SMYD3: variants seen among roughly 807,000 people sequenced by gnomAD.
SMYD3 encodes SET and MYND domain containing 3, also known as histone-lysine N-methyltransferase SMYD3.
Under a neutral mutation model 57.7 loss-of-function variants are expected in SMYD3, and 36 were observed. That is an observed-to-expected ratio of 0.62 (90% CI 0.48 to 0.82). SMYD3 has a LOEUF of 0.82. Among genes scored for constraint, SMYD3 ranks in the 40% least tolerant of loss-of-function variants. SMYD3 has a pLI of 0.00. For synonymous variants in SMYD3, 211 were observed against 195.0 expected (o/e 1.08, Z -0.68); for missense variants, 515 against 538.8 (o/e 0.96, Z 0.44).
At chr1:246,506,858 C>G (rs1343583495) in intron 1 of SMYD3, among the ~76,000 whole-genome samples, 196 bp downstream of exon 1, 2 of 151,992 alleles carry the variant, frequency 1.3e-5, no homozygotes, top group Non-Finnish European at 2.9e-5. Context: ...GCTGCGGCAA[C>G]CTAGGGGGGT....
At chr1:245,996,426 T>C (rs2148132060) in intron 5 of SMYD3, among the ~76,000 whole-genome samples, 1 of 152,322 alleles carries the variant, frequency 6.6e-6, no homozygotes, top group South Asian at 2.1e-4. Flanking sequence ...AATGGGTTTA[T>C]ATAGAATAGA....
chr1:246,502,565 C>G (rs1303362089), intron 1 of SMYD3, among the ~76,000 whole-genome samples: 1 of 152,202 alleles, frequency 6.6e-6, no homozygotes, highest in Non-Finnish European at 1.5e-5. Flanking sequence ...AACAATATCT[C>G]AATCTCTTCC....
intron 5 of SMYD3, among the ~76,000 whole-genome samples, chr1:246,268,757 C>A (rs1453283345): frequency 6.6e-6 from 1 of 152,008 alleles, no homozygotes; most frequent in Non-Finnish European, 1.5e-5. Context: ...AAGAAATGGG[C>A]AACCAGCAGC....
At chr1:246,197,572 G>A (rs1296825038) in intron 5 of SMYD3, among the ~76,000 whole-genome samples, 4 of 149,414 alleles carry the variant, frequency 2.7e-5, no homozygotes, top group African/African-American at 7.5e-5. Flanking sequence ...AAACTGTCAA[G>A]GATCATCAAA....
Position 245,840,703 on chromosome 1 carries a change from T to C in SMYD3, c.1076+17793A>G, listed in dbSNP as rs139003025. Among the ~76,000 whole-genome samples the C allele has an allele frequency of 2.7e-3, 412 of 150,724 alleles. 1 individual carries two copies. The highest frequency in any genetic ancestry group is 9.7e-3 in the African/African-American group (397 of 40,982). On this transcript the variant is annotated intron_variant, in intron 10 of 11. Coordinates refer to ENST00000490107, the MANE Select transcript of SMYD3 (RefSeq NM_001167740.2). ...GAAACTTAAATCTAAAAATACTACA[T>C]AGAGGTAATAAATATAACTCTGAGA...
chr1:246,036,533 T>TTC (rs1275440858), intron 5 of SMYD3, among the ~76,000 whole-genome samples: 9 of 100,574 alleles, frequency 8.9e-5, no homozygotes, highest in African/African-American at 6.2e-4. Flanking sequence ...GTACTCTTCT[T>TTC]TCTCTCTTTT....
intron 5 of SMYD3, among the ~76,000 whole-genome samples, chr1:246,124,941 G>A (rs1192406453): frequency 3.3e-5 from 5 of 152,082 alleles, no homozygotes; most frequent in Admixed American, 2.6e-4. Context: ...GCGTGGTGGC[G>A]GGCGCCTGTA....
intron 1 of SMYD3, among the ~76,000 whole-genome samples, chr1:246,455,765 G>C (rs2067692541): frequency 6.6e-6 from 1 of 152,178 alleles, no homozygotes. Flanking sequence ...AGGTGACTTT[G>C]AATTCTGAAA....
chr1:246,064,826 G>A (rs1355259585), intron 5 of SMYD3, among the ~76,000 whole-genome samples: 6 of 152,220 alleles, frequency 3.9e-5, no homozygotes, highest in South Asian at 2.1e-4. Context: ...ACCGTGCATC[G>A]TTCATGTTAT....
intron 8 of SMYD3, among the ~76,000 whole-genome samples, chr1:245,886,975 T>C (rs545205418): frequency 2.0e-4 from 31 of 152,112 alleles, no homozygotes; most frequent in Non-Finnish European, 3.8e-4. Context: ...CCATATTCTC[T>C]CAAGCCTCTG....
chr1:246,327,098 C>G, intron 5 of SMYD3, 103 bp downstream of exon 5: 1 of 1,423,126 alleles, frequency 7.0e-7, no homozygotes. Flanking sequence ...CATTAAGGGT[C>G]TTGAATTTCC....
chr1:246,507,190 C>A lies in SMYD3; in HGVS notation c.28G>T (p.Ala10Ser), dbSNP rs1415684791. The change falls in exon 1 of 12, where the codon GCA becomes TCA. Residue 10 changes from alanine to serine, a missense_variant. By Grantham distance (99) the Ala-to-Ser change is moderately conservative. Transcript: ENST00000490107. Reference sequence around the variant, plus strand: ...AGCCCGTTTCCCCTCTTGGCGGTTGCGAACTTTTCCACCTTCAGCGGCTCC... The same window carrying A: ...AGCCCGTTTCCCCTCTTGGCGGTTGAGAACTTTTCCACCTTCAGCGGCTCC... MEPLKVEKF[A>S]TAKRGNGLRA... The A allele has an allele frequency of 2.0e-6, 3 of 1,527,842 alleles. No individual in the cohort carries two copies. The highest frequency in any genetic ancestry group is 5.3e-5 in the East Asian group (2 of 37,826). The allele number at this position is 1,527,842 out of a possible 1,614,324, so 94.6% of individuals were successfully genotyped here. A position where few individuals can be genotyped will look rare whatever the true frequency, so the allele number is the denominator to read the frequency against.
intron 5 of SMYD3, among the ~76,000 whole-genome samples, chr1:246,140,508 T>C (rs2148112427): frequency 6.6e-6 from 1 of 152,358 alleles, no homozygotes; most frequent in East Asian, 1.9e-4. Flanking sequence ...GTCCACCATC[T>C]TCATTGAAGG....
intron 5 of SMYD3, chr1:246,113,881 T>C (rs1043833418): frequency 3.2e-4 from 48 of 151,978 alleles, no homozygotes; most frequent in African/African-American, 1.1e-3. Flanking sequence ...CTCACTCTAC[T>C]CTTCTGCAGA....
chr1:246,387,578 T>C (rs1210132870), intron 1 of SMYD3, among the ~76,000 whole-genome samples: 1 of 152,174 alleles, frequency 6.6e-6, no homozygotes, highest in Non-Finnish European at 1.5e-5. Context: ...ACAATTAATC[T>C]GACAATAGAA....
At chr1:246,362,440 G>A (rs1277211488) in intron 1 of SMYD3, among the ~76,000 whole-genome samples, 2 of 2,578 alleles carry the variant, frequency 7.8e-4, no homozygotes, top group African/African-American at 6.9e-4. Context: ...CCTTTCCCAC[G>A]GTCTCCCTCT....
At chr1:246,444,368 C>T (rs1386629842) in intron 1 of SMYD3, among the ~76,000 whole-genome samples, 5 of 152,088 alleles carry the variant, frequency 3.3e-5, no homozygotes, top group Non-Finnish European at 7.3e-5. Context: ...TTGTGATCCA[C>T]CCGCCTCGGC....
chr1:245,938,227 A>T (rs1294555930), intron 5 of SMYD3, among the ~76,000 whole-genome samples: 1 of 152,196 alleles, frequency 6.6e-6, no homozygotes, highest in African/African-American at 2.4e-5. Context: ...CAGTAGCTGA[A>T]GTGTGCATGA....
intron 5 of SMYD3, among the ~76,000 whole-genome samples, chr1:245,939,007 G>C (rs960277804): frequency 1.3e-5 from 2 of 151,892 alleles, no homozygotes; most frequent in Non-Finnish European, 2.9e-5. Context: ...TTAGCCGGGC[G>C]TGGTGGCCTG....
Sources: gnomAD v4.1 joint callset for allele counts (sites outside exome capture counted in the v4.1 genomes callset) on GRCh38, gnomAD v4.1.1 for gene constraint, MANE v1.5 for transcripts, NCBI Gene and HGNC (gene_info 2026-07-23, HGNC 2026-07-21) for gene names.